USP37: variants seen among roughly 807,000 people sequenced by gnomAD.
USP37 encodes the protein ubiquitin specific peptidase 37, also known as ubiquitin carboxyl-terminal hydrolase 37.
A neutral mutation model predicts 124.0 loss-of-function variants in USP37; 27 were observed. The ratio of observed to expected loss-of-function variants is 0.22; its 90% CI spans 0.16 to 0.30. USP37 has a LOEUF of 0.30. Among genes scored for constraint, USP37 ranks in the 10% least tolerant of loss-of-function variants. The pLI, the probability that USP37 is intolerant of heterozygous loss-of-function variation, is 1.00. For synonymous variants in USP37, 365 were observed against 388.0 expected, an observed-to-expected ratio of 0.94 and a Z score of 0.70; for missense variants, 889 against 1,140.4, an observed-to-expected ratio of 0.78 and a Z score of 3.17.
intron 1 of USP37, among the ~76,000 whole-genome samples, chr2:218,565,212 T>C (rs1294261977): frequency 2.6e-5 from 4 of 152,248 alleles, no homozygotes; most frequent in Non-Finnish European, 5.9e-5. Flanking sequence ...CATGAGCCAA[T>C]GCAGCTGGCC....
chr2:218,466,022 G>A lies in USP37; in HGVS notation c.2454C>T (p.Ser818=). 6.2e-7 allele frequency: 1 copy of A among 1,608,526 alleles called. No individual in the cohort carries two copies. The highest frequency in any genetic ancestry group is 8.5e-7 in the Non-Finnish European group (1 of 1,178,864). ...AAATATCTCTTACTTGCTCTTGAAG[G>A]CTCTGAGCCAGTGCCTGCTGAAGCT... ...EQELQQALAQ[S]LQEQEAWEQK... is the part of the protein sequence containing the mutation. The change falls in exon 21 of 26, where the codon AGC becomes AGT. Residue 818 remains serine (S), a synonymous_variant. Transcript: ENST00000258399.
At chr2:218,528,803 GAAAAAAAAAAAAAAAAA>G (rs58650311) in intron 10 of USP37, 324 of 29,676 alleles carry the variant, frequency 0.011, 2 homozygotes, top group Admixed American at 0.013. Context: ...CAATAAATCT[GAAAAAAAAAAAAAAAAA>G]AAAAAAAAAA....
rs1006532708 is a variant in USP37 at position 218,450,626 on chromosome 2, G to A, written c.*4304C>T. The A allele has an allele frequency of 6.6e-6, 1 of 152,562 alleles. No homozygotes were observed. Among genetic ancestry groups the A allele is most frequent in the Admixed American group, 6.6e-5 (1 of 15,266 alleles). The allele number at this position is 152,562 out of a possible 1,614,324, so 9.5% of individuals were successfully genotyped here. ...GGAGGGAAACCTGGGGACAAGAGGT[G>A]TGCACACCCACATGTGGTCTCACTC... On this transcript the variant is annotated 3_prime_UTR_variant, in exon 26 of 26. Coordinates refer to ENST00000258399, the MANE Select transcript of USP37 (RefSeq NM_020935.3).
In USP37 at chr2:218,489,314, CGCCACTGCACTCCA is replaced by C. The variant is rs557079363; in HGVS notation, c.1473-907_1473-894del. Among the ~76,000 whole-genome samples the C allele has an allele frequency of 3.5e-4, 51 of 146,626 alleles. No homozygotes were observed. In the South Asian group the frequency reaches 9.1e-3, roughly 26 times the overall value. ...CGGAGGTTGCAGTGAGCTGAGATCA[CGCCACTGCACTCCA>C]GCCTGGGCGACAGAGAGAGACTCTG... On this transcript the variant is annotated intron_variant, in intron 14 of 25. Transcript: ENST00000258399.
intron 23 of USP37, among the ~76,000 whole-genome samples, chr2:218,458,973 A>G (rs1689855503): frequency 6.6e-6 from 1 of 152,084 alleles, no homozygotes; most frequent in South Asian, 2.1e-4. Context: ...GGTGAGAATA[A>G]CAAAGAAATA....
At chr2:218,523,727 T>A (rs1490298862) in intron 10 of USP37, among the ~76,000 whole-genome samples, 1 of 152,154 alleles carries the variant, frequency 6.6e-6, no homozygotes, top group Non-Finnish European at 1.5e-5. Context: ...CTAGAGCACT[T>A]TAATTTGTTT....
chr2:218,466,857 C>T (rs563730519), intron 20 of USP37, among the ~76,000 whole-genome samples: 23 of 151,892 alleles, frequency 1.5e-4, no homozygotes, highest in African/African-American at 5.1e-4. Context: ...GCCTCAGCCA[C>T]CAAGCAGCTG....
chr2:218,518,455 A>G (rs1213399774), intron 10 of USP37, among the ~76,000 whole-genome samples: 1 of 152,148 alleles, frequency 6.6e-6, no homozygotes, highest in Non-Finnish European at 1.5e-5. Flanking sequence ...ATGTCTGGAC[A>G]CTGAACAGTA....
chr2:218,567,463 G>A (rs1298203123), intron 1 of USP37, among the ~76,000 whole-genome samples: 1 of 152,048 alleles, frequency 6.6e-6, no homozygotes, highest in African/African-American at 2.4e-5. Flanking sequence ...ATTTACGTAC[G>A]CAGCCCAGAA....
At chr2:218,487,164 C>T (rs1691618839) in intron 15 of USP37, among the ~76,000 whole-genome samples, 1 of 152,218 alleles carries the variant, frequency 6.6e-6, no homozygotes, top group Non-Finnish European at 1.5e-5. Context: ...TAACAACAGT[C>T]TGATTATGCC....
chr2:218,515,187 C>A (rs1690206369), intron 10 of USP37, among the ~76,000 whole-genome samples: 1 of 152,176 alleles, frequency 6.6e-6, no homozygotes, highest in African/African-American at 2.4e-5. Flanking sequence ...TTAGAAAAAA[C>A]TACTTTAAAT....
intron 17 of USP37, among the ~76,000 whole-genome samples, chr2:218,481,817 T>C (rs1691288067): frequency 6.6e-6 from 1 of 151,800 alleles, no homozygotes; most frequent in Non-Finnish European, 1.5e-5. Context: ...CCATGCTGGC[T>C]TTATTATTTT....
chr2:218,546,793 T>G (rs969984151), intron 7 of USP37, 126 bp downstream of exon 7: 1 of 1,052,042 alleles, frequency 9.5e-7, no homozygotes, highest in Non-Finnish European at 1.4e-6. Context: ...TGACAAATAC[T>G]TGTAATCATT....
At chr2:218,533,004 G>C (rs1178374643) in intron 9 of USP37, among the ~76,000 whole-genome samples, 3 of 151,500 alleles carry the variant, frequency 2.0e-5, no homozygotes, top group Admixed American at 1.3e-4. Flanking sequence ...CTCCAGCATA[G>C]TATAAACATA....
intron 6 of USP37, among the ~76,000 whole-genome samples, chr2:218,548,058 ATAC>A (rs1479852239): frequency 6.6e-6 from 1 of 152,180 alleles, no homozygotes; most frequent in Non-Finnish European, 1.5e-5. Context: ...ATCTGAATGA[ATAC>A]TTTAAAAAGT....
chr2:218,537,485 A>C (rs1435623504), intron 8 of USP37, among the ~76,000 whole-genome samples: 1 of 152,232 alleles, frequency 6.6e-6, no homozygotes, highest in Non-Finnish European at 1.5e-5. Flanking sequence ...TACTGACTAC[A>C]GAGGCGTAAC....
At position 218,511,209 on chromosome 2, in the gene USP37, G is replaced by A. The variant is rs555938968; in HGVS notation, c.864-1069C>T. ...GGCTGAAGTGCAGTGGCGTGATCTCGACTCACTGCAACCTCCACCTCCCGG... is the reference window on the plus strand; with the variant it reads ...GGCTGAAGTGCAGTGGCGTGATCTCAACTCACTGCAACCTCCACCTCCCGG... On this transcript the variant is annotated intron_variant, in intron 10 of 25. Transcript: ENST00000258399. 6.6e-5 allele frequency among the ~76,000 whole-genome samples: 10 copies of A among 151,746 alleles called. No individual in the cohort carries two copies. The East Asian group carries it at 1.4e-3, about 21-fold the overall frequency.
At chr2:218,467,967 A>G (rs934197319) in intron 20 of USP37, among the ~76,000 whole-genome samples, 1 of 150,680 alleles carries the variant, frequency 6.6e-6, no homozygotes, top group African/African-American at 2.5e-5. Context: ...CGCTCACTGC[A>G]ACCTCCACCT....
At position 218,540,608 on chromosome 2, in the gene USP37, C is replaced by T. The variant is rs112040222; in HGVS notation, c.680+5613G>A. Among the ~76,000 whole-genome samples, 10 of 152,322 alleles carry T rather than the reference C, an allele frequency of 6.6e-5. No homozygotes were observed. The East Asian group carries it at 1.3e-3, about 21-fold the overall frequency. On this transcript the variant is annotated intron_variant, in intron 8 of 25. Transcript: ENST00000258399. ...AGTGAGCTATGACTACACCAGTGCA[C>T]TCCAGCCTGGGCTGGAGCAAGACCC...
Sources: gnomAD v4.1 joint callset for allele counts (sites outside exome capture counted in the v4.1 genomes callset) on GRCh38, gnomAD v4.1.1 for gene constraint, MANE v1.5 for transcripts, NCBI Gene and HGNC (gene_info 2026-07-23, HGNC 2026-07-21) for gene names.